The following TMED5 variants were observed in gnomAD, a reference collection of about 807,000 sequenced individuals.
The protein encoded by TMED5 is transmembrane emp24 domain-containing protein 5.
A neutral mutation model predicts 23.0 loss-of-function variants in TMED5; 27 were observed. The ratio of observed to expected loss-of-function variants is 1.17; its 90% CI spans 0.86 to 1.62. The LOEUF is 1.62. Ranked by LOEUF, TMED5 falls within the 40% of genes most tolerant of loss-of-function variation. The probability of loss-of-function intolerance (pLI) is 0.00; values close to 1 mark genes in which losing one functional copy is unlikely to be tolerated. For synonymous variants in TMED5, 97 were observed against 100.8 expected, an observed-to-expected ratio of 0.96 and a Z score of 0.23; for missense variants, 248 against 273.7, an observed-to-expected ratio of 0.91 and a Z score of 0.66.
At chr1:93,179,001 A>T (rs541512759) in intron 1 of TMED5, among the ~76,000 whole-genome samples, 1 of 152,322 alleles carries the variant, frequency 6.6e-6, no homozygotes, top group East Asian at 1.9e-4. Flanking sequence ...TCTTCTAAGA[A>T]ATTACCCCCT....
At chr1:93,155,582 T>C (rs1648045336) in intron 3 of TMED5, among the ~76,000 whole-genome samples, 1 of 144,518 alleles carries the variant, frequency 6.9e-6, no homozygotes, top group Non-Finnish European at 1.5e-5. Context: ...CTAGGCACAA[T>C]CTCGGCTCAT....
rs777728367 is a variant in TMED5 at position 93,180,118 on chromosome 1, G to C, written c.125C>G (p.Ala42Gly). The C allele has an allele frequency of 3.7e-6, 6 of 1,613,854 alleles. No homozygotes were observed. The highest frequency in any genetic ancestry group is 5.1e-6 in the Non-Finnish European group (6 of 1,179,848). Reference protein sequence around the residue: ...LDSDFTFTLPAGQKECFYQPM... With the variant: ...LDSDFTFTLPGGQKECFYQPM... Reference sequence around the variant, plus strand: ...CTGGTAGAAGCACTCCTTCTGGCCGGCGGGAAGGGTAAAGGTGAAGTCGCT... The same window carrying C: ...CTGGTAGAAGCACTCCTTCTGGCCGCCGGGAAGGGTAAAGGTGAAGTCGCT... Residue 42 changes from alanine (A) to glycine (G), a missense_variant, in exon 1 of 4, where the codon GCC becomes GGC. Transcript: ENST00000370282.
chr1:93,156,276 A>G, intron 3 of TMED5, 24 bp downstream of exon 3: 2 of 1,601,046 alleles, frequency 1.2e-6, no homozygotes, highest in Non-Finnish European at 1.7e-6. Context: ...AATAATTTTT[A>G]TTTTATTAGA....
chr1:93,175,201 A>ATATATATATAT (rs71094238), intron 1 of TMED5, among the ~76,000 whole-genome samples: 21 of 141,328 alleles, frequency 1.5e-4, no homozygotes, highest in South Asian at 4.3e-4. Context: ...ATATATATAT[A>ATATATATATAT]AATGGACCTC....
At chr1:93,156,574 A>AGT in intron 2 of TMED5, 91 bp from the exon 3 acceptor site, 1 of 989,126 alleles carries the variant, frequency 1.0e-6, no homozygotes, top group Non-Finnish European at 1.5e-6. Flanking sequence ...TAACAGGCTG[A>AGT]GTGTGTTGCC....
chr1:93,180,097 T>C lies in TMED5; in HGVS notation c.146A>G (p.Tyr49Cys). The change falls in exon 1 of 4, where the codon TAC (tyrosine) becomes TGC (cysteine). Residue 49 changes from tyrosine to cysteine, a missense_variant. Physicochemically the swap from Tyr to Cys is radical, Grantham distance 194. Coordinates refer to ENST00000370282, the MANE Select transcript of TMED5 (RefSeq NM_016040.5). ...TLPAGQKECF[Y>C]QPMPLKASLE... ...CGAGGCCTTCAGGGGCATGGGCTGG[T>C]AGAAGCACTCCTTCTGGCCGGCGGG... 2 of 1,613,472 alleles carry C rather than the reference T, an allele frequency of 1.2e-6. No homozygotes were observed. The highest frequency in any genetic ancestry group is 1.3e-5 in the African/African-American group (1 of 74,972).
rs1233232171 is a variant in TMED5, at chr1:93,150,067, C to G, written c.*4603G>C. 1.3e-5 allele frequency: 2 copies of G among 152,154 alleles called. No individual in the cohort carries two copies. The highest frequency in any genetic ancestry group is 2.9e-5 in the Non-Finnish European group (2 of 68,034). The allele number at this position is 152,154 out of a possible 1,614,324, so 9.4% of individuals were successfully genotyped here. A position where few individuals can be genotyped will look rare whatever the true frequency, so the allele number is the denominator to read the frequency against. ...TTCACATGTATATTTATGTAATCAC[C>G]ACAATCAAACTACAGAACTTTTCCA... On this transcript the variant is annotated 3_prime_UTR_variant, in exon 4 of 4. Transcript: ENST00000370282.
chr1:93,172,960 G>A (rs959561917), intron 1 of TMED5, among the ~76,000 whole-genome samples: 1 of 152,102 alleles, frequency 6.6e-6, no homozygotes, highest in African/African-American at 2.4e-5. Flanking sequence ...GACAAATACT[G>A]CATTATCTCA....
rs1018840713 is a variant in TMED5, at chr1:93,154,200, G to A, written c.*470C>T. The A allele has an allele frequency of 1.3e-5, 2 of 155,178 alleles. No individual in the cohort carries two copies. The highest frequency in any genetic ancestry group is 2.4e-5 in the African/African-American group (1 of 41,478). The allele number at this position is 155,178 out of a possible 1,614,324, so 9.6% of individuals were successfully genotyped here. ...GTAAATAGAGAAAAGTTGGGCTTTT[G>A]TAGTCTAAAGATTTATTCAATCCAT... is the stretch of plus-strand genomic sequence containing the variant. On this transcript the variant is annotated 3_prime_UTR_variant, in exon 4 of 4. Transcript: ENST00000370282.
At chr1:93,168,949 G>C (rs1413294780) in intron 1 of TMED5, among the ~76,000 whole-genome samples, 1 of 152,158 alleles carries the variant, frequency 6.6e-6, no homozygotes, top group Non-Finnish European at 1.5e-5. Flanking sequence ...AAATATGTGA[G>C]GCAAAAACTG....
rs1305636967 is a variant in TMED5 at position 93,154,477 on chromosome 1, C to A, written c.*193G>T. 5 of 577,762 alleles carry A rather than the reference C, an allele frequency of 8.7e-6. No individual in the cohort carries two copies. The African/African-American group carries it at 9.4e-5, about 11-fold the overall frequency. The allele number at this position is 577,762 out of a possible 1,614,324, so 35.8% of individuals were successfully genotyped here. A position where few individuals can be genotyped will look rare whatever the true frequency, so the allele number is the denominator to read the frequency against. On this transcript the variant is annotated 3_prime_UTR_variant, in exon 4 of 4. Coordinates refer to ENST00000370282, the MANE Select transcript of TMED5 (RefSeq NM_016040.5). ...TATTCTGCAAAATATTCCTGTTACA[C>A]ACTTAAGTACAACTGGATCAGCAGG...
rs1647864227 is a variant in TMED5, at chr1:93,151,255, G to T, written c.*3415C>A. The T allele has an allele frequency of 6.6e-6, 1 of 152,202 alleles. No homozygotes were observed. The highest frequency in any genetic ancestry group is 2.4e-5 in the African/African-American group (1 of 41,454). The allele number at this position is 152,202 out of a possible 1,614,324, so 9.4% of individuals were successfully genotyped here. A position where few individuals can be genotyped will look rare whatever the true frequency, so the allele number is the denominator to read the frequency against. The stretch of plus-strand genomic sequence containing the variant: ...GTGCAGAAGCAGAAAGGTGCCTAAG[G>T]ATTTCTACCAGCTTGTGGTAGAAGA... On this transcript the variant is annotated 3_prime_UTR_variant, in exon 4 of 4. Coordinates refer to ENST00000370282, the MANE Select transcript of TMED5 (RefSeq NM_016040.5).
At chr1:93,170,309 C>A (rs1349058383) in intron 1 of TMED5, among the ~76,000 whole-genome samples, 3 of 152,212 alleles carry the variant, frequency 2.0e-5, no homozygotes, top group Non-Finnish European at 2.9e-5. Flanking sequence ...GTGATGCTTG[C>A]GGGCCAGCTC....
chr1:93,177,620 C>T (rs1648965689), intron 1 of TMED5, among the ~76,000 whole-genome samples: 1 of 146,140 alleles, frequency 6.8e-6, no homozygotes, highest in Admixed American at 6.7e-5. Flanking sequence ...AAGGAACAGT[C>T]CCTTTAAGAG....
At chr1:93,178,229 C>T (rs1395791441) in intron 1 of TMED5, among the ~76,000 whole-genome samples, 1 of 152,146 alleles carries the variant, frequency 6.6e-6, no homozygotes, top group African/African-American at 2.4e-5. Flanking sequence ...TCTGCTACTC[C>T]CACCCTAGAC....
At chr1:93,170,458 C>T (rs773044402) in intron 1 of TMED5, among the ~76,000 whole-genome samples, 1 of 152,230 alleles carries the variant, frequency 6.6e-6, no homozygotes, top group Admixed American at 6.5e-5. Context: ...GCTGCCTCCC[C>T]GCGGGGCAGG....
chr1:93,155,132 G>C (rs1209545284), intron 3 of TMED5, among the ~76,000 whole-genome samples: 4 of 152,028 alleles, frequency 2.6e-5, no homozygotes, highest in African/African-American at 2.4e-5. Context: ...AGGCTGAGGT[G>C]GGGGGATCAC....
intron 1 of TMED5, among the ~76,000 whole-genome samples, chr1:93,170,527 C>T (rs571547095): frequency 9.2e-5 from 14 of 152,358 alleles, no homozygotes; most frequent in African/African-American, 3.4e-4. Context: ...CTGTGGGCTC[C>T]TGCGCGGCCC....
At position 93,154,703 on chromosome 1, in the gene TMED5, A is replaced by T. The variant is rs1260361781; in HGVS notation, c.657T>A (p.Ser219Arg). ...TACTTTTCCTCTTATCTTCAAACAGACTCTTCAGCATATAAACTTGAATGG... is the reference window on the plus strand; with the variant it reads ...TACTTTTCCTCTTATCTTCAAACAGTCTCTTCAGCATATAAACTTGAATGG... ...VSAIQVYMLK[S>R]LFEDKRKSRT Residue 219 changes from serine to arginine, a missense_variant, in exon 4 of 4, where the codon AGT becomes AGA. Transcript: ENST00000370282. 1 of 1,613,588 alleles carries T rather than the reference A, an allele frequency of 6.2e-7. No homozygotes were observed. Among genetic ancestry groups the T allele is most frequent in the Non-Finnish European group, 8.5e-7 (1 of 1,179,946 alleles).
Sources: allele counts gnomAD v4.1 joint callset (sites outside exome capture counted in the v4.1 genomes callset), GRCh38; gene constraint gnomAD v4.1.1; transcripts MANE v1.5; gene names NCBI Gene and HGNC (gene_info 2026-07-23, HGNC 2026-07-21).